The following KCNIP4 variants were observed in gnomAD, a reference collection of about 807,000 sequenced individuals.
The protein encoded by KCNIP4 is potassium voltage-gated channel interacting protein 4, also known as Kv channel-interacting protein 4.
Under a neutral mutation model 34.0 loss-of-function variants are expected in KCNIP4, and 12 were observed. That is an observed-to-expected ratio of 0.35 (90% CI 0.23 to 0.57). The LOEUF (loss-of-function observed/expected upper bound fraction) is 0.57. KCNIP4 is among the 20% of genes least tolerant of loss of function. KCNIP4 has a pLI of 0.83. For synonymous variants in KCNIP4, 124 were observed against 102.2 expected (o/e 1.21, Z -1.29); for missense variants, 238 against 311.7 (o/e 0.76, Z 1.78).
chr4:20,730,025 T>TTAAGGGTGGTAGAATAGTTCACA lies in KCNIP4; in HGVS notation c.*34_*56dup, dbSNP rs1284793464. ...TATGCTAAAAGTGGTAGCTCCAACTTTAAGGGTGGTAGAATAGTTCACATT... is the reference window on the plus strand; with the variant it reads ...TATGCTAAAAGTGGTAGCTCCAACTTTAAGGGTGGTAGAATAGTTCACATAAGGGTGGTAGAATAGTTCACATT... On this transcript the variant is annotated 3_prime_UTR_variant, in exon 9 of 9. Transcript: ENST00000382152. 6.4e-7 allele frequency: 1 copy of TTAAGGGTGGTAGAATAGTTCACA among 1,554,450 alleles called. No homozygotes were observed. The highest frequency in any genetic ancestry group is 8.7e-7 in the Non-Finnish European group (1 of 1,153,570).
chr4:21,149,698 A>G lies in KCNIP4; in HGVS notation c.62-266989T>C, dbSNP rs142504005. ...GGAAGGAAGCTTTGGTTACGAACAT[A>G]TCCTAACTTTTAGTCCAGAGGCAAG... On this transcript the variant is annotated intron_variant, in intron 1 of 8. Coordinates refer to ENST00000382152, the MANE Select transcript of KCNIP4 (RefSeq NM_025221.6). 4.3e-3 allele frequency among the ~76,000 whole-genome samples: 653 copies of G among 152,310 alleles called. 4 individuals carry two copies. The highest frequency in any genetic ancestry group is 0.015 in the African/African-American group (609 of 41,572).
intron 1 of KCNIP4, among the ~76,000 whole-genome samples, chr4:21,757,199 G>T (rs1326810302): frequency 0.015 from 384 of 26,298 alleles, 38 homozygotes; most frequent in Middle Eastern, 0.083. Context: ...AGGAAGGAAG[G>T]AAAGAAAGAA....
chr4:21,133,344 G>A (rs1751238808), intron 1 of KCNIP4, among the ~76,000 whole-genome samples: 1 of 152,182 alleles, frequency 6.6e-6, no homozygotes, highest in African/African-American at 2.4e-5. Context: ...TATCTGCTAT[G>A]TGCCAAGAAC....
At chr4:20,991,249 G>A (rs1318817196) in intron 1 of KCNIP4, among the ~76,000 whole-genome samples, 1 of 152,166 alleles carries the variant, frequency 6.6e-6, no homozygotes, top group Non-Finnish European at 1.5e-5. Context: ...GATTTAAAAT[G>A]CGAATGACCT....
chr4:21,856,704 AGCCCTGGAAGCCCTCCCCTTCCACTGCCT>A (rs1348362934), intron 1 of KCNIP4, among the ~76,000 whole-genome samples: 1 of 152,066 alleles, frequency 6.6e-6, no homozygotes, highest in Non-Finnish European at 1.5e-5. Flanking sequence ...CACTCTCAGG[AGCCCTGGAAGCCCTCCCCTTCCACTGCCT>A]GGCCTCTTCC....
chr4:21,471,021 G>A (rs1233989664), intron 1 of KCNIP4, among the ~76,000 whole-genome samples: 2 of 152,078 alleles, frequency 1.3e-5, no homozygotes, highest in African/African-American at 4.8e-5. Context: ...AATTCTCAAT[G>A]CTCTCCCTAC....
intron 1 of KCNIP4, among the ~76,000 whole-genome samples, chr4:20,982,759 T>A (rs1042223263): frequency 2.6e-5 from 4 of 152,218 alleles, no homozygotes. Context: ...GATGTCATCA[T>A]AGCTATCAGG....
At chr4:20,921,431 C>T (rs576638931) in intron 1 of KCNIP4, among the ~76,000 whole-genome samples, 23 of 152,258 alleles carry the variant, frequency 1.5e-4, no homozygotes, top group African/African-American at 5.3e-4. Flanking sequence ...CATACAATAA[C>T]TCTGTAAAAT....
At chr4:21,876,969 C>G (rs1338958057) in intron 1 of KCNIP4, among the ~76,000 whole-genome samples, 1 of 151,452 alleles carries the variant, frequency 6.6e-6, no homozygotes, top group Non-Finnish European at 1.5e-5. Context: ...ACTCAATTGC[C>G]TGGATTAGGA....
intron 1 of KCNIP4, among the ~76,000 whole-genome samples, chr4:21,940,794 A>G (rs1157528120): frequency 2.0e-5 from 3 of 152,180 alleles, no homozygotes; most frequent in African/African-American, 4.8e-5. Context: ...ACTTGTTCTT[A>G]ATACTATATC....
At chr4:20,917,131 T>C (rs928218501) in intron 1 of KCNIP4, among the ~76,000 whole-genome samples, 3 of 149,038 alleles carry the variant, frequency 2.0e-5, no homozygotes, top group Admixed American at 6.8e-5. Context: ...TCTGACTCCC[T>C]GGTTCAAGCT....
At chr4:21,769,952 T>C (rs996352637) in intron 1 of KCNIP4, among the ~76,000 whole-genome samples, 3 of 152,162 alleles carry the variant, frequency 2.0e-5, no homozygotes, top group Admixed American at 2.0e-4. Context: ...GAGGGCAGCT[T>C]GGCCAGCTGC....
chr4:20,973,483 C>T (rs1369466051), intron 1 of KCNIP4, among the ~76,000 whole-genome samples: 1 of 152,142 alleles, frequency 6.6e-6, no homozygotes, highest in Non-Finnish European at 1.5e-5. Flanking sequence ...AAACTTTCTC[C>T]ATATCAGCAA....
chr4:21,291,540 T>C (rs1328741397), intron 1 of KCNIP4, among the ~76,000 whole-genome samples: 1 of 152,014 alleles, frequency 6.6e-6, no homozygotes, highest in Non-Finnish European at 1.5e-5. Context: ...GAAGTACAAA[T>C]GCACCACCAT....
chr4:21,715,967 C>T (rs985555399), intron 1 of KCNIP4, among the ~76,000 whole-genome samples: 5 of 152,082 alleles, frequency 3.3e-5, no homozygotes, highest in East Asian at 1.9e-4. Flanking sequence ...TACTTTGATA[C>T]GACTTCTCTG....
Position 21,226,109 on chromosome 4 carries a change from C to G in KCNIP4, c.62-343400G>C, listed in dbSNP as rs140984898. Among the ~76,000 whole-genome samples the G allele has an allele frequency of 2.4e-3, 366 of 151,322 alleles. 1 individual carries two copies. The highest frequency in any genetic ancestry group is 8.7e-3 in the African/African-American group (355 of 41,020). On this transcript the variant is annotated intron_variant, in intron 1 of 8. Transcript: ENST00000382152. Reference sequence around the variant, plus strand: ...TTGCCTCACTGTAGAGATGAAGAGACTGATCTATGGTTGCATGAGATTTGC... The same window carrying G: ...TTGCCTCACTGTAGAGATGAAGAGAGTGATCTATGGTTGCATGAGATTTGC...
At chr4:21,187,748 GCA>G (rs1755348566) in intron 1 of KCNIP4, among the ~76,000 whole-genome samples, 1 of 151,738 alleles carries the variant, frequency 6.6e-6, no homozygotes, top group South Asian at 2.1e-4. Flanking sequence ...TGCAGATCAT[GCA>G]CTCTCTATGC....
chr4:21,696,603 T>A (rs1255977720), intron 1 of KCNIP4, among the ~76,000 whole-genome samples: 1 of 152,202 alleles, frequency 6.6e-6, no homozygotes, highest in Non-Finnish European at 1.5e-5. Context: ...TCAAGTATTT[T>A]AGTCCCACCT....
At chr4:20,936,061 TC>T (rs1731024886) in intron 1 of KCNIP4, among the ~76,000 whole-genome samples, 1 of 151,514 alleles carries the variant, frequency 6.6e-6, no homozygotes, top group Non-Finnish European at 1.5e-5. Context: ...CCTGCAGGAT[TC>T]TTAATCATAT....
Sources: allele counts gnomAD v4.1 joint callset (sites outside exome capture counted in the v4.1 genomes callset), GRCh38; gene constraint gnomAD v4.1.1; transcripts MANE v1.5; gene names NCBI Gene and HGNC (gene_info 2026-07-23, HGNC 2026-07-21).